Variants in MTMR2 observed in about 807,000 individuals in gnomAD.
The protein encoded by MTMR2 is phosphatidylinositol-3,5-bisphosphate 3-phosphatase MTMR2.
Under a neutral mutation model 86.9 loss-of-function variants are expected in MTMR2, and 55 were observed. The ratio of observed to expected loss-of-function variants is 0.63; its 90% CI spans 0.51 to 0.79. MTMR2 has a LOEUF of 0.79. Among genes scored for constraint, MTMR2 ranks in the 30% least tolerant of loss-of-function variants. The pLI is 0.00. For synonymous variants in MTMR2, 241 were observed against 266.8 expected, an observed-to-expected ratio of 0.90 and a Z score of 0.94; for missense variants, 659 against 772.3, an observed-to-expected ratio of 0.85 and a Z score of 1.74.
At chr11:95,880,329 T>C (rs775746872) in intron 2 of MTMR2, among the ~76,000 whole-genome samples, 2 of 152,092 alleles carry the variant, frequency 1.3e-5, no homozygotes, top group Non-Finnish European at 2.9e-5. Flanking sequence ...TTTACTTAGC[T>C]AGATAGATAC....
At chr11:95,881,901 C>T (rs1038347754) in intron 2 of MTMR2, among the ~76,000 whole-genome samples, 2 of 151,970 alleles carry the variant, frequency 1.3e-5, no homozygotes, top group Admixed American at 6.6e-5. Context: ...GCTTAATGAA[C>T]GTATTTCTAG....
rs16922622 is a variant in MTMR2 at position 95,834,224 on chromosome 11, A to G, written c.*1066T>C. 11,011 of 152,560 alleles carry G rather than the reference A, an allele frequency of 0.072. 521 individuals are homozygous for G. Among genetic ancestry groups the G allele is most frequent in the Middle Eastern group, 0.13 (38 of 294 alleles). The allele number at this position is 152,560 out of a possible 1,614,324, so 9.5% of individuals were successfully genotyped here. A position where few individuals can be genotyped will look rare whatever the true frequency, so the allele number is the denominator to read the frequency against. On this transcript the variant is annotated 3_prime_UTR_variant, in exon 15 of 15. Transcript: ENST00000346299. ...GAGTCAAATGTTTCTACCAGCACCAAACTCTTACTTGTAGCAGGTGAACAG... is the reference window on the plus strand; with the variant it reads ...GAGTCAAATGTTTCTACCAGCACCAGACTCTTACTTGTAGCAGGTGAACAG...
chr11:95,906,022 T>G (rs140405629), intron 1 of MTMR2, among the ~76,000 whole-genome samples: 4,747 of 152,202 alleles, frequency 0.031, 132 homozygotes, highest in South Asian at 0.073. Flanking sequence ...GCCAGGAGTT[T>G]GAGACCAGCC....
chr11:95,880,569 C>T (rs549366298), intron 2 of MTMR2, among the ~76,000 whole-genome samples: 4 of 152,148 alleles, frequency 2.6e-5, no homozygotes, highest in African/African-American at 9.6e-5. Flanking sequence ...CACTGCCCCA[C>T]TTTTCAAACA....
At chr11:95,903,942 G>A (rs1408802324) in intron 1 of MTMR2, among the ~76,000 whole-genome samples, 3 of 151,840 alleles carry the variant, frequency 2.0e-5, no homozygotes, top group Admixed American at 6.6e-5. Context: ...GTGAAACCTC[G>A]TCTCTACTAA....
At chr11:95,907,337 A>T (rs1866317852) in intron 1 of MTMR2, among the ~76,000 whole-genome samples, 1 of 152,124 alleles carries the variant, frequency 6.6e-6, no homozygotes, top group Admixed American at 6.6e-5. Flanking sequence ...ACCTGAAGAG[A>T]CTAATTCCAA....
At chr11:95,919,183 G>A (rs1866821105) in intron 1 of MTMR2, among the ~76,000 whole-genome samples, 1 of 152,148 alleles carries the variant, frequency 6.6e-6, no homozygotes, top group South Asian at 2.1e-4. Flanking sequence ...AACTAAAGAT[G>A]AGACCTTGCA....
intron 1 of MTMR2, among the ~76,000 whole-genome samples, chr11:95,901,156 C>A (rs1005074860): frequency 1.3e-5 from 2 of 152,128 alleles, no homozygotes. Context: ...ATCATGAATT[C>A]CCACATCTTC....
At chr11:95,892,564 C>T (rs953260290) in intron 1 of MTMR2, among the ~76,000 whole-genome samples, 8 of 152,168 alleles carry the variant, frequency 5.3e-5, no homozygotes, top group African/African-American at 1.7e-4. Context: ...ATTAAGTAAC[C>T]GATACCATTT....
chr11:95,923,575 T>A, intron 1 of MTMR2: 1 of 926,662 alleles, frequency 1.1e-6, no homozygotes, highest in South Asian at 2.4e-5. Flanking sequence ...TTAAAAAAGG[T>A]TTGAGAGGGA....
chr11:95,835,764 G>GT (rs999775009), intron 14 of MTMR2, among the ~76,000 whole-genome samples: 4 of 152,012 alleles, frequency 2.6e-5, no homozygotes, highest in Non-Finnish European at 5.9e-5. Flanking sequence ...TTATTTATAG[G>GT]TTTTTAGTCT....
intron 1 of MTMR2, among the ~76,000 whole-genome samples, chr11:95,894,286 C>A (rs1467784788): frequency 1.3e-5 from 2 of 152,132 alleles, no homozygotes; most frequent in Non-Finnish European, 2.9e-5. Flanking sequence ...CATTTACTCA[C>A]CTAAAAGCTC....
At chr11:95,837,658 TAAA>T (rs1450558404) in intron 13 of MTMR2, among the ~76,000 whole-genome samples, 1 of 152,010 alleles carries the variant, frequency 6.6e-6, no homozygotes, top group Non-Finnish European at 1.5e-5. Flanking sequence ...CTTTACAACT[TAAA>T]AAACTCAAAA....
chr11:95,839,266 C>G (rs1863431667), intron 12 of MTMR2, among the ~76,000 whole-genome samples: 1 of 151,698 alleles, frequency 6.6e-6, no homozygotes, highest in Admixed American at 6.6e-5. Flanking sequence ...GATGATCAAG[C>G]AGAAGATGAC....
Position 95,832,881 on chromosome 11 carries a change from T to C in MTMR2, c.*2409A>G, listed in dbSNP as rs1211564769. 6.6e-6 allele frequency: 1 copy of C among 152,186 alleles called. No individual in the cohort carries two copies. Among genetic ancestry groups the C allele is most frequent in the Non-Finnish European group, 1.5e-5 (1 of 68,020 alleles). 9.4% of individuals were successfully genotyped at this position (152,186 alleles called of 1,614,324 possible). On this transcript the variant is annotated 3_prime_UTR_variant, in exon 15 of 15. Transcript: ENST00000346299. ...TAGAGGAATGTGTCATCCATCCACT[T>C]ACGTTGTAACAGAGCTTTATTGCAA...
intron 7 of MTMR2, among the ~76,000 whole-genome samples, chr11:95,852,414 G>GTA (rs1285261489): frequency 6.6e-6 from 1 of 152,330 alleles, no homozygotes; most frequent in Non-Finnish European, 1.5e-5. Flanking sequence ...CTTTAAAGAA[G>GTA]TATTTCTCAA....
intron 1 of MTMR2, among the ~76,000 whole-genome samples, chr11:95,912,272 T>A (rs1181328724): frequency 3.9e-5 from 6 of 151,988 alleles, no homozygotes; most frequent in Admixed American, 3.9e-4. Context: ...TTTACCAGAT[T>A]AGTTGTTAGA....
At chr11:95,914,297 G>T in intron 1 of MTMR2, 1 of 970,586 alleles carries the variant, frequency 1.0e-6, no homozygotes, top group Non-Finnish European at 1.2e-6. Context: ...AATGTCAATG[G>T]CTCTTAACAC....
In MTMR2 at chr11:95,912,920, C is replaced by G. The variant is rs561828284; in HGVS notation, c.80+10955G>C. 4 of 152,118 alleles carry G rather than the reference C, an allele frequency of 2.6e-5. No homozygotes were observed. In the South Asian group the frequency reaches 8.3e-4, roughly 32 times the overall value. The allele number at this position is 152,118 out of a possible 1,614,324, so 9.4% of individuals were successfully genotyped here. On this transcript the variant is annotated intron_variant, in intron 1 of 14. Coordinates refer to ENST00000346299, the MANE Select transcript of MTMR2 (RefSeq NM_016156.6). ...TCAAGCACCTACTATTTGCAAAACA[C>G]TATAAAATTTGTACCTACTATTTCA...
Sources: gnomAD v4.1 joint callset for allele counts (sites outside exome capture counted in the v4.1 genomes callset) on GRCh38, gnomAD v4.1.1 for gene constraint, MANE v1.5 for transcripts, NCBI Gene and HGNC (gene_info 2026-07-23, HGNC 2026-07-21) for gene names.